CDKL5: variants seen among roughly 807,000 people sequenced by gnomAD.
CDKL5 encodes the protein cyclin dependent kinase like 5.
In CDKL5, 8 loss-of-function variants were observed where a neutral mutation model predicts 61.7. The observed-to-expected ratio is 0.13, with a 90% CI of 0.08 to 0.23. The LOEUF (loss-of-function observed/expected upper bound fraction) is 0.23, where lower values mean the gene tolerates loss of function less well. Among genes scored for constraint, CDKL5 ranks in the 10% least tolerant of loss-of-function variants. The probability of loss-of-function intolerance (pLI) is 1.00; values close to 1 mark genes in which losing one functional copy is unlikely to be tolerated. For synonymous variants in CDKL5, 275 were observed against 272.3 expected, an observed-to-expected ratio of 1.01 and a Z score of -0.10; for missense variants, 440 against 734.5, an observed-to-expected ratio of 0.60 and a Z score of 4.63.
rs774554252 is a variant in CDKL5, at chrX:18,460,413, C to T, written c.-163+34718C>T. The stretch of plus-strand genomic sequence containing the variant: ...ATCATCTCCCACCAGGCCCCGCCTC[C>T]AACATTGAGGATTACAATTGAACCT... On this transcript the variant is annotated intron_variant, in intron 1 of 17. Coordinates refer to ENST00000623535, the MANE Select transcript of CDKL5 (RefSeq NM_001323289.2). Among the ~76,000 whole-genome samples, 6 of 112,125 alleles carry T rather than the reference C, an allele frequency of 5.4e-5. No individual in the cohort carries two copies. In the East Asian group the frequency reaches 1.7e-3, roughly 31 times the overall value.
chrX:18,575,109 G>A (rs1925253101), intron 4 of CDKL5, among the ~76,000 whole-genome samples: 1 of 111,957 alleles, frequency 8.9e-6, no homozygotes, highest in South Asian at 3.7e-4. Context: ...CATAGTAAAA[G>A]GAGTATAAGA....
chrX:18,444,998 A>T (rs2147628549), intron 1 of CDKL5, among the ~76,000 whole-genome samples: 1 of 111,116 alleles, frequency 9.0e-6, no homozygotes, highest in South Asian at 3.8e-4. Flanking sequence ...ATGGGTCTCC[A>T]GCACCTGGAA....
At position 18,581,233 on chromosome X, in the gene CDKL5, C is replaced by T. The variant is rs543458434; in HGVS notation, c.404-658C>T. Among the ~76,000 whole-genome samples the T allele has an allele frequency of 2.7e-3, 297 of 111,554 alleles. 1 individual carries two copies. The highest frequency in any genetic ancestry group is 9.2e-3 in the Admixed American group (97 of 10,495). On this transcript the variant is annotated intron_variant, in intron 6 of 17. Transcript: ENST00000623535. ...GTATTCTACTCTAAAAATACAATTG[C>T]GAGATGCCTCCCAAGGAGAGAATTC...
intron 3 of CDKL5, among the ~76,000 whole-genome samples, chrX:18,530,053 G>T (rs1923586113): frequency 9.0e-6 from 1 of 110,522 alleles, no homozygotes; most frequent in South Asian, 3.8e-4. Context: ...ATTTTGCCGG[G>T]CACGGTGGCT....
chrX:18,562,745 G>A (rs1396643955), intron 3 of CDKL5, among the ~76,000 whole-genome samples: 1 of 111,865 alleles, frequency 8.9e-6, no homozygotes, highest in East Asian at 2.8e-4. Context: ...CATTCTTTAA[G>A]TAAATACATA....
chrX:18,460,372 C>G (rs1034269919), intron 1 of CDKL5, among the ~76,000 whole-genome samples: 2 of 111,884 alleles, frequency 1.8e-5, no homozygotes, highest in Admixed American at 9.5e-5. Flanking sequence ...CTATTAGAAA[C>G]TGCACCCATT....
chrX:18,605,178 C>T (rs1926322441), intron 12 of CDKL5, among the ~76,000 whole-genome samples: 1 of 109,823 alleles, frequency 9.1e-6, no homozygotes, highest in Non-Finnish European at 1.9e-5. Context: ...TTACAGAATT[C>T]ATCAGCTGTA....
intron 15 of CDKL5, among the ~76,000 whole-genome samples, chrX:18,619,138 T>C (rs1032710658): frequency 9.6e-6 from 1 of 104,186 alleles, no homozygotes; most frequent in South Asian, 4.4e-4. Flanking sequence ...TAGAAGCTTT[T>C]CCCCCCGCCC....
chrX:18,600,312 GCTTT>G (rs1452835145), intron 11 of CDKL5, among the ~76,000 whole-genome samples: 2 of 111,742 alleles, frequency 1.8e-5, no homozygotes, highest in Non-Finnish European at 3.8e-5. Flanking sequence ...TTCTTAGCTG[GCTTT>G]CTTTGTTTGT....
At chrX:18,649,945 T>C (rs1298862310) in intron 20 of CDKL5, 2 of 182,112 alleles carry the variant, frequency 1.1e-5, no homozygotes, top group Admixed American at 1.4e-4. Flanking sequence ...GAGCATTTGA[T>C]GACTGAACCT....
At chrX:18,501,393 C>T (rs181239133) in intron 1 of CDKL5, among the ~76,000 whole-genome samples, 302 of 109,828 alleles carry the variant, frequency 2.7e-3, no homozygotes, top group Non-Finnish European at 4.1e-3. Context: ...AGGCTGGTCT[C>T]GAGCTCCTGA....
At position 18,509,197 on chromosome X, in the gene CDKL5, G is replaced by GCACGCGCGCGCACA. The variant is rs1204561636; in HGVS notation, c.65-1620_65-1619insGCGCGCGCACACAC. 7.3e-4 allele frequency among the ~76,000 whole-genome samples: 47 copies of GCACGCGCGCGCACA among 64,302 alleles called. No homozygotes were observed. The South Asian group carries it at 7.6e-3, about 10-fold the overall frequency. 55.8% of individuals were successfully genotyped at this position (64,302 alleles called of 115,157 possible). A position where few individuals can be genotyped will look rare whatever the true frequency, so the allele number is the denominator to read the frequency against. On this transcript the variant is annotated intron_variant, in intron 2 of 17. Coordinates refer to ENST00000623535, the MANE Select transcript of CDKL5 (RefSeq NM_001323289.2). ...AGAGAGCGAGACTGTCTCAAAACAC[G>GCACGCGCGCGCACA]CACACACACACACACACACACACAC...
intron 15 of CDKL5, among the ~76,000 whole-genome samples, chrX:18,618,228 CT>C (rs200702027): frequency 0.012 from 1,363 of 112,232 alleles, 12 homozygotes; most frequent in Non-Finnish European, 0.02. Flanking sequence ...TTTTGTGAGA[CT>C]TTCATTCTGC....
chrX:18,515,480 C>T (rs1180725191), intron 3 of CDKL5, among the ~76,000 whole-genome samples: 2 of 111,407 alleles, frequency 1.8e-5, no homozygotes, highest in Non-Finnish European at 3.8e-5. Context: ...AATAATCTTA[C>T]GTTAGAGAAC....
intron 1 of CDKL5, among the ~76,000 whole-genome samples, chrX:18,456,277 G>A (rs758104003): frequency 5.6e-4 from 62 of 110,567 alleles, no homozygotes; most frequent in Non-Finnish European, 7.2e-4. Flanking sequence ...ACTTCAGGTG[G>A]TCCACCCACC....
chrX:18,621,584 A>G (rs141151259), intron 16 of CDKL5, among the ~76,000 whole-genome samples: 3,158 of 111,335 alleles, frequency 0.028, 51 homozygotes, highest in Non-Finnish European at 0.045. Context: ...AATTAGAGCA[A>G]TCCTTTTAGT....
chrX:18,573,971 C>T (rs1002387853), intron 4 of CDKL5, among the ~76,000 whole-genome samples: 2 of 111,562 alleles, frequency 1.8e-5, no homozygotes, highest in East Asian at 2.8e-4. Flanking sequence ...AGAATCTTCC[C>T]TCTCCCTTTG....
intron 11 of CDKL5, among the ~76,000 whole-genome samples, chrX:18,600,497 C>T (rs1051080406): frequency 5.4e-5 from 6 of 111,606 alleles, no homozygotes; most frequent in Admixed American, 1.9e-4. Context: ...TAGTTTACAC[C>T]GAAAAATTAT....
At chrX:18,500,839 A>T (rs1922354023) in intron 1 of CDKL5, among the ~76,000 whole-genome samples, 1 of 110,288 alleles carries the variant, frequency 9.1e-6, no homozygotes, top group Non-Finnish European at 1.9e-5. Flanking sequence ...CATCATTATT[A>T]TTTTTTTTAT....
Sources: allele counts gnomAD v4.1 joint callset (sites outside exome capture counted in the v4.1 genomes callset), GRCh38; gene constraint gnomAD v4.1.1; transcripts MANE v1.5; gene names NCBI Gene and HGNC (gene_info 2026-07-23, HGNC 2026-07-21).